CNTNAP5: variants seen among roughly 807,000 people sequenced by gnomAD.
CNTNAP5 encodes the protein contactin-associated protein-like 5.
CNTNAP5 carries 72 observed loss-of-function variants against 150.2 expected under a neutral mutation model. That is an observed-to-expected ratio of 0.48 (90% CI 0.40 to 0.58). The LOEUF is 0.58. Ranked by LOEUF, CNTNAP5 falls within the 20% of genes least tolerant of loss-of-function variation. The pLI is 0.00. For synonymous variants in CNTNAP5, 672 were observed against 619.8 expected, an observed-to-expected ratio of 1.08 and a Z score of -1.25; for missense variants, 1,636 against 1,626.2, an observed-to-expected ratio of 1.01 and a Z score of -0.10.
intron 21 of CNTNAP5, among the ~76,000 whole-genome samples, chr2:124,898,348 G>T (rs561680554): frequency 6.6e-6 from 1 of 151,078 alleles, no homozygotes; most frequent in South Asian, 2.1e-4. Context: ...TGATCTTTTC[G>T]TGTTTCTTTC....
chr2:124,145,782 C>A (rs1280040232), intron 1 of CNTNAP5, among the ~76,000 whole-genome samples: 5 of 50,942 alleles, frequency 9.8e-5, no homozygotes, highest in East Asian at 6.3e-4. Flanking sequence ...TACCCTAAAA[C>A]TTAAAGTATA....
At chr2:124,778,330 G>A (rs1200991923) in intron 17 of CNTNAP5, 4 of 152,272 alleles carry the variant, frequency 2.6e-5, no homozygotes, top group Admixed American at 6.5e-5. Flanking sequence ...CTTGGGCAGA[G>A]TAGGGGATGG....
intron 3 of CNTNAP5, among the ~76,000 whole-genome samples, chr2:124,350,551 A>G (rs957860261): frequency 6.6e-6 from 1 of 151,938 alleles, no homozygotes; most frequent in Non-Finnish European, 1.5e-5. Context: ...TTACTCAAAT[A>G]TAAATAACTT....
chr2:124,042,791 T>TATCC (rs534085154), intron 1 of CNTNAP5, among the ~76,000 whole-genome samples: 5 of 139,622 alleles, frequency 3.6e-5, no homozygotes, highest in African/African-American at 1.6e-4. Context: ...ATCATCTATC[T>TATCC]ATCTATCTAT....
intron 10 of CNTNAP5, among the ~76,000 whole-genome samples, chr2:124,541,649 C>G (rs1178116334): frequency 1.3e-5 from 2 of 152,048 alleles, no homozygotes; most frequent in Admixed American, 1.3e-4. Context: ...GAAACTCGAA[C>G]AAATAATAAG....
intron 21 of CNTNAP5, among the ~76,000 whole-genome samples, chr2:124,889,468 G>A (rs780378895): frequency 5.3e-5 from 8 of 152,084 alleles, no homozygotes; most frequent in South Asian, 2.1e-4. Context: ...ATTATTCTAC[G>A]TATGGATAGT....
chr2:124,105,039 A>ATATAAAG (rs879402557), intron 1 of CNTNAP5, among the ~76,000 whole-genome samples: 13,895 of 152,094 alleles, frequency 0.091, 770 homozygotes, highest in Non-Finnish European at 0.13. Flanking sequence ...GCTGCTCTAC[A>ATATAAAG]CATATATAAG....
At chr2:124,029,162 A>G (rs1210532353) in intron 1 of CNTNAP5, among the ~76,000 whole-genome samples, 3 of 152,124 alleles carry the variant, frequency 2.0e-5, no homozygotes, top group Non-Finnish European at 4.4e-5. Context: ...ATTCTAGCTC[A>G]TTCATCATAT....
At chr2:124,838,118 TA>T (rs997689890) in intron 19 of CNTNAP5, among the ~76,000 whole-genome samples, 3 of 152,136 alleles carry the variant, frequency 2.0e-5, no homozygotes, top group South Asian at 2.1e-4. Flanking sequence ...TCAGAGGGAT[TA>T]AAAAATAATA....
At chr2:124,469,146 T>G (rs1238323623) in intron 6 of CNTNAP5, among the ~76,000 whole-genome samples, 1 of 152,210 alleles carries the variant, frequency 6.6e-6, no homozygotes, top group African/African-American at 2.4e-5. Flanking sequence ...CTCAACCAAC[T>G]GCCTCTGAAA....
intron 1 of CNTNAP5, among the ~76,000 whole-genome samples, chr2:124,055,094 T>C (rs1681809720): frequency 6.6e-6 from 1 of 152,326 alleles, no homozygotes; most frequent in Non-Finnish European, 1.5e-5. Flanking sequence ...TTACACATAC[T>C]GTATGTAAAT....
At chr2:124,543,118 C>A (rs993954061) in intron 10 of CNTNAP5, among the ~76,000 whole-genome samples, 1 of 152,146 alleles carries the variant, frequency 6.6e-6, no homozygotes. Context: ...AACGCCAGAG[C>A]CAGCTGTCAT....
chr2:124,860,510 TC>T (rs1677501676), intron 19 of CNTNAP5, among the ~76,000 whole-genome samples: 1 of 136,406 alleles, frequency 7.3e-6, no homozygotes, highest in African/African-American at 2.9e-5. Flanking sequence ...CTTCTTTCCT[TC>T]CTTCCTTCCT....
chr2:124,053,473 C>T (rs1681762350), intron 1 of CNTNAP5, among the ~76,000 whole-genome samples: 1 of 152,222 alleles, frequency 6.6e-6, no homozygotes, highest in Non-Finnish European at 1.5e-5. Flanking sequence ...ACATGAGAGA[C>T]ATGAGGCCCC....
At chr2:124,322,517 A>C (rs1300929189) in intron 3 of CNTNAP5, among the ~76,000 whole-genome samples, 2 of 152,192 alleles carry the variant, frequency 1.3e-5, no homozygotes, top group East Asian at 3.9e-4. Context: ...TAAGAGGATA[A>C]ATGAGTAAAA....
At chr2:124,501,649 C>A (rs887955979) in intron 7 of CNTNAP5, among the ~76,000 whole-genome samples, 10 of 152,154 alleles carry the variant, frequency 6.6e-5, no homozygotes, top group African/African-American at 2.4e-4. Context: ...ACATGCAGTT[C>A]ATTTTTCTTT....
At chr2:124,323,524 A>T (rs1189654171) in intron 3 of CNTNAP5, among the ~76,000 whole-genome samples, 1 of 152,182 alleles carries the variant, frequency 6.6e-6, no homozygotes, top group Non-Finnish European at 1.5e-5. Context: ...TCTACAGGAG[A>T]GGACGACACC....
intron 1 of CNTNAP5, among the ~76,000 whole-genome samples, chr2:124,032,628 A>T (rs763307451): frequency 1.3e-5 from 2 of 152,194 alleles, no homozygotes; most frequent in Non-Finnish European, 2.9e-5. Context: ...GGCATATATG[A>T]GCTAGTAAAC....
intron 3 of CNTNAP5, among the ~76,000 whole-genome samples, chr2:124,278,942 A>G (rs1026566007): frequency 2.6e-5 from 4 of 152,128 alleles, no homozygotes; most frequent in Non-Finnish European, 2.9e-5. Context: ...TGTATGTAGA[A>G]TTTGTTTCTA....
Sources: gnomAD v4.1 joint callset for allele counts (sites outside exome capture counted in the v4.1 genomes callset) on GRCh38, gnomAD v4.1.1 for gene constraint, MANE v1.5 for transcripts, NCBI Gene and HGNC (gene_info 2026-07-23, HGNC 2026-07-21) for gene names.